The following WDHD1 variants were observed in gnomAD, a reference collection of about 807,000 sequenced individuals.
WDHD1 encodes WD repeat and HMG-box DNA-binding protein 1.
WDHD1 carries 111 observed loss-of-function variants against 135.4 expected under a neutral mutation model. The observed-to-expected ratio is 0.82, with a 90% CI of 0.70 to 0.96. WDHD1 has a LOEUF of 0.96. Among genes scored for constraint, WDHD1 ranks in the 40% least tolerant of loss-of-function variants. WDHD1 has a pLI of 0.00. For synonymous variants in WDHD1, 434 were observed against 439.0 expected (o/e 0.99, Z 0.14); for missense variants, 1,351 against 1,336.3 (o/e 1.01, Z -0.17).
intron 2 of WDHD1, among the ~76,000 whole-genome samples, chr14:55,026,091 G>A (rs544071931): frequency 2.6e-5 from 4 of 152,314 alleles, no homozygotes; most frequent in East Asian, 3.9e-4. Context: ...GCTCAAAGGA[G>A]GAAAAGACTG....
chr14:54,952,278 G>A (rs201749860), intron 24 of WDHD1, among the ~76,000 whole-genome samples: 1 of 152,180 alleles, frequency 6.6e-6, no homozygotes, highest in Non-Finnish European at 1.5e-5. Context: ...TAAGCTGATA[G>A]GGAACTTCAG....
At chr14:55,018,425 G>T (rs562372174) in intron 2 of WDHD1, among the ~76,000 whole-genome samples, 2 of 152,298 alleles carry the variant, frequency 1.3e-5, no homozygotes, top group South Asian at 2.1e-4. Context: ...ATCTTGACTT[G>T]TGGGAAGAAT....
intron 10 of WDHD1, among the ~76,000 whole-genome samples, chr14:54,998,403 T>C (rs1180786264): frequency 6.6e-6 from 1 of 152,134 alleles, no homozygotes; most frequent in African/African-American, 2.4e-5. Context: ...GTGCTGGGAT[T>C]ACAGCCGTGA....
chr14:55,026,558 C>T (rs1238504404), intron 2 of WDHD1, among the ~76,000 whole-genome samples, 153 bp downstream of exon 2: 2 of 152,196 alleles, frequency 1.3e-5, no homozygotes, highest in Non-Finnish European at 1.5e-5. Flanking sequence ...CGGCCCGAAT[C>T]AAACAATAAT....
At chr14:55,018,250 C>A (rs974667950) in intron 2 of WDHD1, among the ~76,000 whole-genome samples, 2 of 152,070 alleles carry the variant, frequency 1.3e-5, no homozygotes, top group African/African-American at 4.8e-5. Context: ...TAAACTTAAG[C>A]TTTTGAAGCT....
intron 4 of WDHD1, among the ~76,000 whole-genome samples, chr14:55,010,032 T>C (rs542606905): frequency 6.6e-6 from 1 of 152,140 alleles, no homozygotes; most frequent in East Asian, 1.9e-4. Flanking sequence ...TTGGCCAGGC[T>C]GGTCTTGAAC....
chr14:54,995,857 T>C (rs1237119575), intron 10 of WDHD1, 44 bp from the exon 11 acceptor site: 1 of 1,436,244 alleles, frequency 7.0e-7, no homozygotes, highest in Non-Finnish European at 9.2e-7. Context: ...GTGAATGATT[T>C]AGAAAAACTC....
chr14:54,940,366 A>G lies in WDHD1; in HGVS notation c.*1124T>C, dbSNP rs1340434630. The G allele has an allele frequency of 6.6e-6, 1 of 152,154 alleles. No individual in the cohort carries two copies. The highest frequency in any genetic ancestry group is 1.5e-5 in the Non-Finnish European group (1 of 68,028). The allele number at this position is 152,154 out of a possible 1,614,324, so 9.4% of individuals were successfully genotyped here. On this transcript the variant is annotated 3_prime_UTR_variant, in exon 26 of 26. Coordinates refer to ENST00000360586, the MANE Select transcript of WDHD1 (RefSeq NM_007086.4). ...CTACTAATTAAAAAATAAAAAATGT[A>G]TGTTTTCCTAACTTTAATCATCACC...
chr14:55,016,860 T>G (rs574132288), intron 2 of WDHD1, among the ~76,000 whole-genome samples: 4 of 152,230 alleles, frequency 2.6e-5, no homozygotes, highest in African/African-American at 7.2e-5. Flanking sequence ...GTGAAGTGAC[T>G]GTTAATGGGT....
intron 2 of WDHD1, among the ~76,000 whole-genome samples, chr14:55,021,959 C>T (rs966882709): frequency 1.3e-5 from 2 of 152,180 alleles, no homozygotes; most frequent in Non-Finnish European, 2.9e-5. Context: ...GGGTTCTCTT[C>T]CATAGCAATG....
chr14:54,975,587 G>A (rs766018884), intron 16 of WDHD1, among the ~76,000 whole-genome samples: 87 of 152,176 alleles, frequency 5.7e-4, no homozygotes, highest in Non-Finnish European at 1.1e-3. Context: ...ACCTCAGGGT[G>A]ATCTGCCTGC....
chr14:54,946,462 T>A (rs2040926884), intron 24 of WDHD1, among the ~76,000 whole-genome samples: 1 of 152,244 alleles, frequency 6.6e-6, no homozygotes, highest in Non-Finnish European at 1.5e-5. Context: ...CAACTGATAG[T>A]ATGAAAAATT....
At position 55,007,373 on chromosome 14, in the gene WDHD1, T is replaced by G; in HGVS notation, c.507A>C (p.Thr169=). 1 of 1,579,256 alleles carries G rather than the reference T, an allele frequency of 6.3e-7. No homozygotes were observed. Among genetic ancestry groups the G allele is most frequent in the Non-Finnish European group, 8.6e-7 (1 of 1,166,694 alleles). Residue 169 remains threonine (T), a splice_region_variant and synonymous_variant, in exon 7 of 26, where the codon ACA becomes ACC. Transcript: ENST00000360586. ...GTAGCAGTGGCCAACTAATAGCACA[T>G]GTCTAATTGGTAAAAAAAGAAAATT... ...SVRVWQISDQ[T]CAISWPLLQK...
intron 13 of WDHD1, 48 bp downstream of exon 13, chr14:54,988,980 T>C (rs758129091): frequency 6.8e-7 from 1 of 1,468,964 alleles, no homozygotes; most frequent in Admixed American, 2.0e-5. Flanking sequence ...AACAACTGTA[T>C]CTAACAGTTC....
intron 15 of WDHD1, among the ~76,000 whole-genome samples, chr14:54,984,168 T>C (rs56206440): frequency 0.37 from 56,702 of 152,106 alleles, 11,049 homozygotes; most frequent in African/African-American, 0.48. Context: ...ATATATTTCC[T>C]TCTTTATAAG....
At position 55,014,818 on chromosome 14, in the gene WDHD1, A is replaced by G. The variant is rs150366303; in HGVS notation, c.78-1222T>C. 2.2e-3 allele frequency among the ~76,000 whole-genome samples: 340 copies of G among 152,322 alleles called. 2 individuals are homozygous for G. Among genetic ancestry groups the G allele is most frequent in the African/African-American group, 7.7e-3 (319 of 41,574 alleles). Reference sequence around the variant, plus strand: ...TCACCTGAGAAAGTCAAAAAGATTCATAAGAAAGATGGTATTTACACTGGG... The same window carrying G: ...TCACCTGAGAAAGTCAAAAAGATTCGTAAGAAAGATGGTATTTACACTGGG... On this transcript the variant is annotated intron_variant, in intron 2 of 25. Coordinates refer to ENST00000360586, the MANE Select transcript of WDHD1 (RefSeq NM_007086.4).
intron 2 of WDHD1, among the ~76,000 whole-genome samples, chr14:55,013,956 G>T (rs2042218867): frequency 1.3e-5 from 2 of 151,788 alleles, no homozygotes; most frequent in South Asian, 4.2e-4. Flanking sequence ...TTTTTGGAAT[G>T]CTACTTCTAT....
In WDHD1 at chr14:55,026,807, A is replaced by T; in HGVS notation, c.-16-4T>A. Reference sequence around the variant, plus strand: ...AGGCATGTTTTCCTTTACCTATCTGAAAATGTTTTATAAAAGCCAGTCTTA... The same window carrying T: ...AGGCATGTTTTCCTTTACCTATCTGTAAATGTTTTATAAAAGCCAGTCTTA... On this transcript the variant is annotated splice_region_variant and splice_polypyrimidine_tract_variant and intron_variant, in intron 1 of 25. Coordinates refer to ENST00000360586, the MANE Select transcript of WDHD1 (RefSeq NM_007086.4). 1 of 1,613,622 alleles carries T rather than the reference A, an allele frequency of 6.2e-7. No homozygotes were observed. Among genetic ancestry groups the T allele is most frequent in the East Asian group, 2.2e-5 (1 of 44,872 alleles).
chr14:55,011,607 T>TG (rs1305838538), intron 3 of WDHD1, among the ~76,000 whole-genome samples: 3 of 151,244 alleles, frequency 2.0e-5, no homozygotes, highest in Admixed American at 6.6e-5. Flanking sequence ...ATTAACATTT[T>TG]GGGGTTAAGT....
Sources: gnomAD v4.1 joint callset for allele counts (sites outside exome capture counted in the v4.1 genomes callset) on GRCh38, gnomAD v4.1.1 for gene constraint, MANE v1.5 for transcripts, NCBI Gene and HGNC (gene_info 2026-07-23, HGNC 2026-07-21) for gene names.